The following ATP2C1 variants were observed in gnomAD, a reference collection of about 807,000 sequenced individuals.
ATP2C1 encodes the protein ATPase secretory pathway Ca2+ transporting 1.
ATP2C1 carries 31 observed loss-of-function variants against 120.5 expected under a neutral mutation model. The observed-to-expected ratio is 0.26, with a 90% CI of 0.19 to 0.35. The LOEUF is 0.35. Among genes scored for constraint, ATP2C1 ranks in the 10% least tolerant of loss-of-function variants. The pLI, the probability that ATP2C1 is intolerant of heterozygous loss-of-function variation, is 1.00. For missense variants in ATP2C1, 731 were observed against 1,107.5 expected (o/e 0.66, Z 4.83); for synonymous variants, 351 against 358.7 (o/e 0.98, Z 0.24).
intron 4 of ATP2C1, among the ~76,000 whole-genome samples, chr3:130,933,815 G>C (rs1374313932): frequency 6.6e-6 from 1 of 152,182 alleles, no homozygotes; most frequent in Non-Finnish European, 1.5e-5. Context: ...TTGTTCCAGG[G>C]AATGGAACCA....
chr3:130,909,421 T>C (rs2058288061), intron 2 of ATP2C1, among the ~76,000 whole-genome samples: 1 of 152,202 alleles, frequency 6.6e-6, no homozygotes, highest in Non-Finnish European at 1.5e-5. Flanking sequence ...ATATCCTTTA[T>C]TTAGAAATCT....
At position 130,975,340 on chromosome 3, in the gene ATP2C1, A is replaced by G; in HGVS notation, c.1422A>G (p.Pro474=). ...GTACATTTTCTTCTTAGGACAGACCAGAGATTTGTTTTATGAAAGGTGCTT... is the reference window on the plus strand; with the variant it reads ...GTACATTTTCTTCTTAGGACAGACCGGAGATTTGTTTTATGAAAGGTGCTT... ...KCVHRTQQDR[P]EICFMKGAYE... Residue 474 remains proline, a synonymous_variant, in exon 18 of 28, where the codon CCA becomes CCG. Transcript: ENST00000510168. 6.2e-7 allele frequency: 1 copy of G among 1,613,702 alleles called. No homozygotes were observed. Among genetic ancestry groups the G allele is most frequent in the South Asian group, 1.1e-5 (1 of 91,076 alleles).
intron 26 of ATP2C1, among the ~76,000 whole-genome samples, chr3:131,011,020 TA>T (rs1267311053): frequency 6.6e-6 from 1 of 152,252 alleles, no homozygotes; most frequent in Non-Finnish European, 1.5e-5. Flanking sequence ...TGGACTGTTA[TA>T]ATCCTTATTT....
downstream of ATP2C1, among the ~76,000 whole-genome samples, chr3:131,007,920 A>G (rs1355745115): frequency 6.6e-6 from 1 of 152,238 alleles, no homozygotes; most frequent in Non-Finnish European, 1.5e-5. Flanking sequence ...TATTAGATCA[A>G]TTTTAACAAG....
chr3:130,895,396 A>G (rs1244905414), intron 2 of ATP2C1, among the ~76,000 whole-genome samples: 1 of 152,218 alleles, frequency 6.6e-6, no homozygotes, highest in African/African-American at 2.4e-5. Context: ...GACACATTAG[A>G]TCGTCATTCA....
chr3:131,004,644 A>G (rs1347405416), downstream of ATP2C1, among the ~76,000 whole-genome samples: 1 of 152,210 alleles, frequency 6.6e-6, no homozygotes, highest in Non-Finnish European at 1.5e-5. Context: ...TAGAGAAATA[A>G]CTTCATGGGA....
chr3:130,867,763 A>G lies in ATP2C1; in HGVS notation c.108+16835A>G, dbSNP rs1433876240. On this transcript the variant is annotated intron_variant, in intron 1 of 26. Transcript: ENST00000504381. Reference sequence around the variant, plus strand: ...TGCTTGGCCACCCATCGTCTGGGATATGAGGAGCCCCCTCTGCCTGGCTGC... The same window carrying G: ...TGCTTGGCCACCCATCGTCTGGGATGTGAGGAGCCCCCTCTGCCTGGCTGC... Among the ~76,000 whole-genome samples the G allele has an allele frequency of 1.1e-4, 3 of 26,506 alleles. 1 individual carries two copies. Among genetic ancestry groups the G allele is most frequent in the Non-Finnish European group, 5.0e-4 (3 of 6,058 alleles). 17.4% of individuals were successfully genotyped at this position (26,506 alleles called of 152,430 possible). A position where few individuals can be genotyped will look rare whatever the true frequency, so the allele number is the denominator to read the frequency against.
At chr3:130,953,076 CGTATGTATGTATGTATGTAT>C (rs10576619) in intron 8 of ATP2C1, among the ~76,000 whole-genome samples, 2 of 149,224 alleles carry the variant, frequency 1.3e-5, no homozygotes, top group South Asian at 2.2e-4. Context: ...CTCACTTGTT[CGTATGTATGTATGTATGTAT>C]GTATGTATGT....
At chr3:130,963,814 G>A in intron 12 of ATP2C1, 157 bp from the exon 13 acceptor site, 1 of 861,622 alleles carries the variant, frequency 1.2e-6, no homozygotes, top group South Asian at 1.6e-5. Flanking sequence ...TAGGTATCCA[G>A]TAAATGTTAA....
intron 6 of ATP2C1, among the ~76,000 whole-genome samples, chr3:130,938,983 C>T (rs1327509536): frequency 6.6e-6 from 1 of 152,146 alleles, no homozygotes; most frequent in Non-Finnish European, 1.5e-5. Context: ...ATGGCTGAGA[C>T]TATTAAATAT....
At chr3:130,997,574 G>A in intron 24 of ATP2C1, 32 bp from the exon 25 acceptor site, 1 of 1,606,434 alleles carries the variant, frequency 6.2e-7, no homozygotes, top group East Asian at 2.2e-5. Context: ...CTTAAAACTT[G>A]AAAGTAATTT....
At chr3:130,978,940 A>C (rs1441467911) in intron 18 of ATP2C1, among the ~76,000 whole-genome samples, 1 of 152,204 alleles carries the variant, frequency 6.6e-6, no homozygotes, top group Non-Finnish European at 1.5e-5. Flanking sequence ...AAAGAGGTAG[A>C]GTTCCTGTTG....
At chr3:130,986,800 AC>A (rs1158295017) in intron 20 of ATP2C1, among the ~76,000 whole-genome samples, 1 of 151,630 alleles carries the variant, frequency 6.6e-6, no homozygotes, top group Non-Finnish European at 1.5e-5. Flanking sequence ...CTTTTTCCCT[AC>A]TTCATTTTGT....
chr3:130,880,818 G>C (rs1228020135), intron 1 of ATP2C1, among the ~76,000 whole-genome samples: 2 of 152,030 alleles, frequency 1.3e-5, no homozygotes, highest in East Asian at 3.9e-4. Context: ...ATAAAGCCTT[G>C]GGGCTGTTTA....
chr3:130,879,187 G>A lies in ATP2C1; in HGVS notation c.108+28259G>A, dbSNP rs140611857. ...AGCAATTCTCCTTCCTCAGCCTCCTGAGTAGCTGGGATTACAGGCACATGC... is the reference window on the plus strand; with the variant it reads ...AGCAATTCTCCTTCCTCAGCCTCCTAAGTAGCTGGGATTACAGGCACATGC... On this transcript the variant is annotated intron_variant, in intron 1 of 26. Transcript: ENST00000504381. 1.5e-3 allele frequency among the ~76,000 whole-genome samples: 223 copies of A among 152,176 alleles called. 3 individuals are homozygous for A. Among genetic ancestry groups the A allele is most frequent in the African/African-American group, 4.9e-3 (202 of 41,536 alleles).
At chr3:130,882,733 A>T (rs1187840802) in intron 1 of ATP2C1, among the ~76,000 whole-genome samples, 1 of 152,098 alleles carries the variant, frequency 6.6e-6, no homozygotes, top group Non-Finnish European at 1.5e-5. Flanking sequence ...GATGTCTTTA[A>T]TGTATTGTTG....
chr3:130,932,848 CTT>C (rs1328817834), intron 4 of ATP2C1, among the ~76,000 whole-genome samples: 1 of 152,166 alleles, frequency 6.6e-6, no homozygotes, highest in Non-Finnish European at 1.5e-5. Context: ...CTATGTTTAA[CTT>C]TTCTAAAGTG....
Position 131,002,264 on chromosome 3 carries a change from CTATTT to C in ATP2C1, c.*919_*923del, listed in dbSNP as rs1367243496. The C allele has an allele frequency of 3.1e-6, 3 of 969,266 alleles. No homozygotes were observed. The African/African-American group carries it at 5.3e-5, about 17-fold the overall frequency. 60.0% of individuals were successfully genotyped at this position (969,266 alleles called of 1,614,324 possible). On this transcript the variant is annotated 3_prime_UTR_variant, in exon 28 of 28. Transcript: ENST00000510168. Reference sequence around the variant, plus strand: ...ATCCAAATACCTCAGCTAAGTAATTCTATTTTATTATTTTTACTGTTATGTATGTT... The same window carrying C: ...ATCCAAATACCTCAGCTAAGTAATTCTATTATTTTTACTGTTATGTATGTT...
Position 130,969,308 on chromosome 3 carries a change from T to A in ATP2C1, c.1325T>A (p.Leu442His). 1 of 1,613,656 alleles carries A rather than the reference T, an allele frequency of 6.2e-7. No individual in the cohort carries two copies. Among genetic ancestry groups the A allele is most frequent in the South Asian group, 1.1e-5 (1 of 91,078 alleles). The change falls in exon 17 of 28, where the codon CTT (leucine) becomes CAT (histidine). Residue 442 changes from leucine to histidine, a missense_variant. Leu to His is a moderately conservative substitution (Grantham distance 99). Coordinates refer to ENST00000510168, the MANE Select transcript of ATP2C1 (RefSeq NM_001378687.1). ...ALAMKMGLDG[L>H]QQDYIRKAEY... ...GCCATATAGATGGGTCTTGATGGAC[T>A]TCAACAAGACTACATCAGAAAAGCT...
Sources: gnomAD v4.1 joint callset for allele counts (sites outside exome capture counted in the v4.1 genomes callset) on GRCh38, gnomAD v4.1.1 for gene constraint, MANE v1.5 for transcripts, NCBI Gene and HGNC (gene_info 2026-07-23, HGNC 2026-07-21) for gene names.